ZNF800: variants seen among roughly 807,000 people sequenced by gnomAD.
The protein encoded by ZNF800 is zinc finger protein 800.
ZNF800 carries 13 observed loss-of-function variants against 59.5 expected under a neutral mutation model. That is an observed-to-expected ratio of 0.22 (90% CI 0.14 to 0.35). The LOEUF (loss-of-function observed/expected upper bound fraction) is 0.35, where lower values mean the gene tolerates loss of function less well. Ranked by LOEUF, ZNF800 falls within the 10% of genes least tolerant of loss-of-function variation. The pLI, the probability that ZNF800 is intolerant of heterozygous loss-of-function variation, is 1.00. For synonymous variants in ZNF800, 266 were observed against 265.7 expected (o/e 1.00, Z -0.01); for missense variants, 621 against 783.7 (o/e 0.79, Z 2.48).
At chr7:127,369,264 G>C (rs2117079339), downstream of ZNF800, among the ~76,000 whole-genome samples, 1 of 152,244 alleles carries the variant, frequency 6.6e-6, no homozygotes, top group Middle Eastern at 3.4e-3. Context: ...TCAAATAGCA[G>C]CAAAGGTAGA....
At chr7:127,356,854 G>A (rs1017456350) in intron 1 of ZNF800, among the ~76,000 whole-genome samples, 54 of 152,008 alleles carry the variant, frequency 3.6e-4, no homozygotes, top group African/African-American at 1.2e-3. Context: ...ATTCAGGTCT[G>A]TCATTTCTAC....
downstream of ZNF800, among the ~76,000 whole-genome samples, chr7:127,343,824 T>C (rs1315827937): frequency 1.3e-5 from 2 of 152,066 alleles, no homozygotes; most frequent in Non-Finnish European, 2.9e-5. Flanking sequence ...TAATCCAGTA[T>C]TGAGAAACTA....
At position 127,391,483 on chromosome 7, in the gene ZNF800, G is replaced by C. The variant is rs751872260; in HGVS notation, c.61+14C>G. 2 of 1,613,956 alleles carry C rather than the reference G, an allele frequency of 1.2e-6. No individual in the cohort carries two copies. Among genetic ancestry groups the C allele is most frequent in the South Asian group, 1.1e-5 (1 of 91,076 alleles). On this transcript the variant is annotated intron_variant, in intron 2 of 5. Coordinates refer to ENST00000265827, the MANE Select transcript of ZNF800 (RefSeq NM_176814.5). Reference sequence around the variant, plus strand: ...GATGGAGGGCAAAGCAACTGCGGACGAAGAGGGGTCTACCTGGTTCACAGC... The same window carrying C: ...GATGGAGGGCAAAGCAACTGCGGACCAAGAGGGGTCTACCTGGTTCACAGC...
intron 1 of ZNF800, among the ~76,000 whole-genome samples, 193 bp downstream of exon 1, chr7:127,391,867 G>A (rs1033643371): frequency 6.6e-6 from 1 of 151,714 alleles, no homozygotes; most frequent in Non-Finnish European, 1.5e-5. Flanking sequence ...CAGCGCGGGC[G>A]GCTGCGGCCT....
Position 127,374,811 on chromosome 7 carries a change from A to G in ZNF800, c.525T>C (p.Thr175=), listed in dbSNP as rs561043073. The G allele has an allele frequency of 4.3e-6, 7 of 1,613,274 alleles. No homozygotes were observed. The highest frequency in any genetic ancestry group is 4.0e-5 in the African/African-American group (3 of 74,842). ...QTEVQIQETS[T]EQSKTVPVTD... is the part of the protein sequence containing the mutation. Reference sequence around the variant, plus strand: ...TAACCGGTACTGTTTTTGACTGTTCAGTGCTAGTTTCCTGTATCTGAACTT... The same window carrying G: ...TAACCGGTACTGTTTTTGACTGTTCGGTGCTAGTTTCCTGTATCTGAACTT... The change falls in exon 5 of 6, where the codon ACT becomes ACC. Residue 175 remains threonine, a synonymous_variant. Transcript: ENST00000265827.
At chr7:127,353,046 C>G (rs1587421243) in intron 1 of ZNF800, among the ~76,000 whole-genome samples, 2 of 152,062 alleles carry the variant, frequency 1.3e-5, no homozygotes, top group African/African-American at 2.4e-5. Context: ...TTTTTTCCCC[C>G]CAATGGCACC....
intron 3 of ZNF800, among the ~76,000 whole-genome samples, chr7:127,381,467 C>T (rs1368561421): frequency 6.6e-6 from 1 of 152,016 alleles, no homozygotes; most frequent in African/African-American, 2.4e-5. Flanking sequence ...TTATAGAGCA[C>T]TGCCACATAC....
intron 1 of ZNF800, among the ~76,000 whole-genome samples, chr7:127,357,572 T>G (rs1562896907): frequency 6.6e-6 from 1 of 152,048 alleles, no homozygotes; most frequent in Non-Finnish European, 1.5e-5. Context: ...TCATGAAAAT[T>G]CCTGGACAGA....
intron 3 of ZNF800, 42 bp downstream of exon 3, chr7:127,386,015 AACT>A (rs754951206): frequency 7.4e-7 from 1 of 1,355,330 alleles, no homozygotes; most frequent in Admixed American, 1.9e-5. Context: ...GGTAGTTTTT[AACT>A]ACTATGTGAA....
chr7:127,387,504 C>G (rs1339669153), intron 2 of ZNF800, among the ~76,000 whole-genome samples: 1 of 152,142 alleles, frequency 6.6e-6, no homozygotes, highest in African/African-American at 2.4e-5. Flanking sequence ...GCTCAGTGTA[C>G]ACAAACAAGA....
chr7:127,350,043 C>A (rs1346920344), intron 1 of ZNF800: 1 of 152,196 alleles, frequency 6.6e-6, no homozygotes, highest in East Asian at 1.9e-4. Flanking sequence ...GGGGGATAAC[C>A]TGAATCCCTA....
chr7:127,388,358 T>G (rs909636878), intron 2 of ZNF800, among the ~76,000 whole-genome samples: 3 of 152,198 alleles, frequency 2.0e-5, no homozygotes, highest in Non-Finnish European at 4.4e-5. Context: ...TATCGTCTAC[T>G]TGAATAAACT....
intron 3 of ZNF800, among the ~76,000 whole-genome samples, chr7:127,383,132 GCA>G (rs1195969878): frequency 6.6e-6 from 1 of 152,160 alleles, no homozygotes; most frequent in Non-Finnish European, 1.5e-5. Context: ...AGTCAGTATA[GCA>G]CACATCAAGT....
Position 127,377,576 on chromosome 7 carries a change from C to A in ZNF800, c.158-247G>T, listed in dbSNP as rs1238788559. ...CTGTGTTCCCACTTCAGCAGCCAAT[C>A]AATTCTTGATATATCCCAAGGCAGT... On this transcript the variant is annotated intron_variant, in intron 3 of 5. Coordinates refer to ENST00000265827, the MANE Select transcript of ZNF800 (RefSeq NM_176814.5). This position sits in a 1 kb window ranked among gnomAD's most constrained non-coding sequence, Gnocchi z 4.7. Among the ~76,000 whole-genome samples the A allele has an allele frequency of 6.6e-6, 1 of 152,012 alleles. No individual in the cohort carries two copies. Among genetic ancestry groups the A allele is most frequent in the Non-Finnish European group, 1.5e-5 (1 of 67,942 alleles).
At chr7:127,380,010 CCTCT>C (rs931274162) in intron 3 of ZNF800, among the ~76,000 whole-genome samples, 2 of 151,804 alleles carry the variant, frequency 1.3e-5, no homozygotes, top group South Asian at 4.2e-4. Flanking sequence ...TATGTTTTTT[CCTCT>C]CTGACTATAA....
intron 1 of ZNF800, chr7:127,363,663 A>ATAAGGC (rs1800442087): frequency 6.6e-6 from 1 of 151,908 alleles, no homozygotes. Context: ...AGGCATTAAG[A>ATAAGGC]TTAAATAAAA....
At chr7:127,381,438 A>AC (rs1800973248) in intron 3 of ZNF800, among the ~76,000 whole-genome samples, 8 of 87,932 alleles carry the variant, frequency 9.1e-5, no homozygotes, top group African/African-American at 1.3e-4. Flanking sequence ...AGGGCTGGTT[A>AC]AATATATATA....
Position 127,386,064 on chromosome 7 carries a change from T to G in ZNF800, c.153A>C (p.Arg51=), listed in dbSNP as rs1454621881. 1 of 1,608,514 alleles carries G rather than the reference T, an allele frequency of 6.2e-7. No homozygotes were observed. The highest frequency in any genetic ancestry group is 8.5e-7 in the Non-Finnish European group (1 of 1,176,028). Residue 51 remains arginine (R), a synonymous_variant, in exon 3 of 6, where the codon CGA becomes CGC. Coordinates refer to ENST00000265827, the MANE Select transcript of ZNF800 (RefSeq NM_176814.5). The part of the protein sequence containing the change: ...SGIQQIIECF[R]SGTKQLKHIL... ...TATATCCTAAAACATTCATACCTGA[T>G]CGAAAGCACTCAATTATTTGTTGAA... is the stretch of plus-strand genomic sequence containing the variant.
chr7:127,374,520 T>C lies in ZNF800; in HGVS notation c.816A>G (p.Gln272=), dbSNP rs146028755. Residue 272 remains glutamine, a synonymous_variant, in exon 5 of 6, where the codon CAA becomes CAG. Transcript: ENST00000265827. The part of the protein sequence containing the change: ...KYIETRKNPN[Q]SSKGRSKNVL... Reference sequence around the variant, plus strand: ...CATTCTTACTGCGTCCTTTAGAGGATTGGTTTGGATTCTTTCGTGTTTCAA... The same window carrying C: ...CATTCTTACTGCGTCCTTTAGAGGACTGGTTTGGATTCTTTCGTGTTTCAA... 2,427 of 1,614,112 alleles carry C rather than the reference T, an allele frequency of 1.5e-3. 22 individuals are homozygous for C. The highest frequency in any genetic ancestry group is 7.2e-3 in the South Asian group (657 of 91,082).
Sources: gnomAD v4.1 joint callset for allele counts (sites outside exome capture counted in the v4.1 genomes callset) on GRCh38, gnomAD v4.1.1 for gene constraint, Gnocchi (gnomAD v3.1) non-coding constraint, MANE v1.5 for transcripts, NCBI Gene and HGNC (gene_info 2026-07-23, HGNC 2026-07-21) for gene names.